The following CHKA variants were observed in gnomAD, a reference collection of about 807,000 sequenced individuals.
The protein encoded by CHKA is CHETK-alpha.
A neutral mutation model predicts 60.1 loss-of-function variants in CHKA; 34 were observed. The observed-to-expected ratio is 0.57, with a 90% CI of 0.43 to 0.75. The LOEUF is 0.75. Among genes scored for constraint, CHKA ranks in the 30% least tolerant of loss-of-function variants. The pLI is 0.00. For synonymous variants in CHKA, 217 were observed against 223.1 expected (o/e 0.97, Z 0.24); for missense variants, 563 against 561.3 (o/e 1.00, Z -0.03).
At position 68,099,227 on chromosome 11, in the gene CHKA, A is replaced by T. The variant is rs114555558; in HGVS notation, c.351-2097T>A. ...AAAAGTTTCTTTTTGAAAGATGAAA[A>T]TGTTCTAAAACTGACTGTGGTAACA... On this transcript the variant is annotated intron_variant, in intron 1 of 11. Transcript: ENST00000265689. Among the ~76,000 whole-genome samples, 1,216 of 152,304 alleles carry T rather than the reference A, an allele frequency of 8.0e-3. 15 individuals carry two copies. Among genetic ancestry groups the T allele is most frequent in the African/African-American group, 0.028 (1,143 of 41,546 alleles).
intron 4 of CHKA, among the ~76,000 whole-genome samples, chr11:68,073,382 G>A (rs923911549): frequency 3.9e-5 from 6 of 151,954 alleles, no homozygotes; most frequent in African/African-American, 7.3e-5. Context: ...GGCCGGGCGC[G>A]GTGGTTCACA....
chr11:68,089,588 C>T (rs1487734907), intron 2 of CHKA, among the ~76,000 whole-genome samples: 4 of 152,074 alleles, frequency 2.6e-5, no homozygotes, highest in Non-Finnish European at 5.9e-5. Context: ...ACTGAGGAAA[C>T]AGAAGAAAGG....
chr11:68,054,089 T>A (rs778210484), intron 11 of CHKA, 42 bp from the exon 12 acceptor site: 2 of 1,562,696 alleles, frequency 1.3e-6, no homozygotes, highest in Non-Finnish European at 1.8e-6. Context: ...GGAATCCTGC[T>A]GGCCTGAACC....
intron 1 of CHKA, among the ~76,000 whole-genome samples, chr11:68,106,545 T>C (rs1469745791): frequency 6.7e-6 from 1 of 149,154 alleles, no homozygotes; most frequent in African/African-American, 2.5e-5. Context: ...ACAAAAACCC[T>C]GCCTCCAAAA....
chr11:68,107,511 T>C (rs1410341323), intron 1 of CHKA, among the ~76,000 whole-genome samples: 2 of 152,044 alleles, frequency 1.3e-5, no homozygotes, highest in South Asian at 4.1e-4. Context: ...GCTCAAAATC[T>C]TCCTCGTTTC....
At chr11:68,120,747 ACGCCCCCTGCCCGGACCCCGCCCCGGCCC>A in intron 1 of CHKA, 52 bp downstream of exon 1, 1 of 43,202 alleles carries the variant, frequency 2.3e-5, no homozygotes, top group Non-Finnish European at 4.0e-5. Flanking sequence ...CCCCCGGCCC[ACGCCCCCTGCCCGGACCCCGCCCCGGCCC>A]CGCCCCGCGT....
Position 68,068,887 on chromosome 11 carries a change from C to G in CHKA, c.920G>C (p.Cys307Ser). ...PSPVVFCHNDCQEGNILLLEG... is the reference protein window; with the variant it reads ...PSPVVFCHNDSQEGNILLLEG... Reference sequence around the variant, plus strand: ...AACATAGCAATTCTTACCTTCTTGACAGTCATTATGACAAAATACAACTGG... The same window carrying G: ...AACATAGCAATTCTTACCTTCTTGAGAGTCATTATGACAAAATACAACTGG... Residue 307 changes from cysteine to serine, a missense_variant, in exon 7 of 12, where the codon TGT (cysteine) becomes TCT (serine). Cys to Ser is a moderately radical substitution (Grantham distance 112, BLOSUM62 -1). Coordinates refer to ENST00000265689, the MANE Select transcript of CHKA (RefSeq NM_001277.3). 1.2e-6 allele frequency: 2 copies of G among 1,610,636 alleles called. No individual in the cohort carries two copies. Among genetic ancestry groups the G allele is most frequent in the Non-Finnish European group, 8.5e-7 (1 of 1,177,164 alleles).
At chr11:68,106,248 A>G (rs1370170473) in intron 1 of CHKA, among the ~76,000 whole-genome samples, 1 of 152,196 alleles carries the variant, frequency 6.6e-6, no homozygotes, top group African/African-American at 2.4e-5. Context: ...AGGAGGTACC[A>G]TTAAAAGAAC....
intron 4 of CHKA, 104 bp from the exon 5 acceptor site, chr11:68,070,961 G>C: frequency 8.7e-7 from 1 of 1,152,560 alleles, no homozygotes; most frequent in South Asian, 1.6e-5. Context: ...GTGCATTTAA[G>C]TCTCACCCAA....
chr11:68,109,654 T>C (rs976362785), intron 1 of CHKA, among the ~76,000 whole-genome samples: 9 of 152,092 alleles, frequency 5.9e-5, no homozygotes, highest in African/African-American at 2.2e-4. Context: ...AGGTTAAACA[T>C]TCAAAAATCA....
chr11:68,063,851 T>C (rs1034503582), intron 10 of CHKA, among the ~76,000 whole-genome samples: 6 of 152,210 alleles, frequency 3.9e-5, no homozygotes, highest in African/African-American at 1.4e-4. Context: ...ATGTAAGATG[T>C]GCCTTGCTTC....
intron 11 of CHKA, 33 bp downstream of exon 11, chr11:68,061,920 A>T (rs897779982): frequency 4.6e-5 from 51 of 1,114,010 alleles, no homozygotes; most frequent in Non-Finnish European, 6.2e-5. Context: ...GAGTAGGAAG[A>T]AAAAAAAAAA....
chr11:68,056,635 A>G (rs1370909431), intron 11 of CHKA, among the ~76,000 whole-genome samples: 3 of 152,092 alleles, frequency 2.0e-5, no homozygotes, highest in Non-Finnish European at 4.4e-5. Context: ...GAGTTCCCCA[A>G]CCCACCCACA....
At chr11:68,092,312 G>A (rs1857376221) in intron 2 of CHKA, among the ~76,000 whole-genome samples, 1 of 151,972 alleles carries the variant, frequency 6.6e-6, no homozygotes, top group Non-Finnish European at 1.5e-5. Context: ...ATAAATTCTG[G>A]CTTTTTTTGT....
At chr11:68,057,936 G>A (rs879862128) in intron 11 of CHKA, among the ~76,000 whole-genome samples, 15 of 152,098 alleles carry the variant, frequency 9.9e-5, no homozygotes, top group Non-Finnish European at 1.8e-4. Flanking sequence ...TTGCTCTGTT[G>A]CCCAGGCTGG....
chr11:68,069,053 A>G (rs934103553), intron 6 of CHKA, 116 bp from the exon 7 acceptor site: 11 of 699,712 alleles, frequency 1.6e-5, no homozygotes, highest in Admixed American at 8.7e-5. Flanking sequence ...ACAGTTTCAG[A>G]GTAGTATCTG....
chr11:68,118,024 A>T (rs1858457321), intron 1 of CHKA, among the ~76,000 whole-genome samples: 2 of 152,202 alleles, frequency 1.3e-5, no homozygotes, highest in African/African-American at 4.8e-5. Flanking sequence ...CGAAAGCAGA[A>T]GCACATTCCT....
At chr11:68,079,287 G>A (rs929291370) in intron 3 of CHKA, among the ~76,000 whole-genome samples, 7 of 151,664 alleles carry the variant, frequency 4.6e-5, no homozygotes, top group Admixed American at 2.0e-4. Context: ...TGAGATGTTC[G>A]CATTAGGGAA....
intron 3 of CHKA, among the ~76,000 whole-genome samples, chr11:68,077,150 GAATC>G (rs1302211486): frequency 1.3e-5 from 2 of 152,188 alleles, no homozygotes; most frequent in African/African-American, 4.8e-5. Flanking sequence ...TGAGGCAGGA[GAATC>G]GCCTGAACAT....
Sources: gnomAD v4.1 joint callset for allele counts (sites outside exome capture counted in the v4.1 genomes callset) on GRCh38, gnomAD v4.1.1 for gene constraint, MANE v1.5 for transcripts, NCBI Gene and HGNC (gene_info 2026-07-23, HGNC 2026-07-21) for gene names.